The following C8orf34 variants were observed in gnomAD, a reference collection of about 807,000 sequenced individuals.
C8orf34 encodes chromosome 8 open reading frame 34, also known as uncharacterized protein C8orf34.
Under a neutral mutation model 68.3 loss-of-function variants are expected in C8orf34, and 65 were observed. That is an observed-to-expected ratio of 0.95 (90% CI 0.78 to 1.17). The LOEUF (loss-of-function observed/expected upper bound fraction) is 1.17. Ranked by LOEUF, C8orf34 falls within the 50% of genes most tolerant of loss-of-function variation. The pLI, the probability that C8orf34 is intolerant of heterozygous loss-of-function variation, is 0.00. For missense variants in C8orf34, 664 were observed against 655.4 expected, an observed-to-expected ratio of 1.01 and a Z score of -0.14; for synonymous variants, 244 against 241.2, an observed-to-expected ratio of 1.01 and a Z score of -0.11.
chr8:68,413,144 A>G (rs1023245631), intron 1 of C8orf34, among the ~76,000 whole-genome samples: 1 of 152,214 alleles, frequency 6.6e-6, no homozygotes, highest in Non-Finnish European at 1.5e-5. Flanking sequence ...AAGTGGCCAG[A>G]CAATCATCAG....
intron 7 of C8orf34, among the ~76,000 whole-genome samples, chr8:68,636,943 A>G (rs1214946997): frequency 1.3e-5 from 2 of 152,174 alleles, no homozygotes; most frequent in African/African-American, 4.8e-5. Flanking sequence ...GTTCTTCAGA[A>G]CCAAGAACTT....
chr8:68,386,597 T>G (rs1482006604), intron 1 of C8orf34, among the ~76,000 whole-genome samples: 1 of 152,176 alleles, frequency 6.6e-6, no homozygotes, highest in Non-Finnish European at 1.5e-5. Context: ...GTCTATGACA[T>G]AAGAAGCTGT....
At chr8:68,741,538 G>T (rs1179754224) in intron 10 of C8orf34, among the ~76,000 whole-genome samples, 1 of 152,070 alleles carries the variant, frequency 6.6e-6, no homozygotes, top group Non-Finnish European at 1.5e-5. Flanking sequence ...ACCCTGTTGT[G>T]CTAGCAAATA....
Position 68,665,519 on chromosome 8 carries a change from T to G in C8orf34, c.1241+25008T>G, listed in dbSNP as rs148294698. 5.9e-5 allele frequency among the ~76,000 whole-genome samples: 9 copies of G among 152,328 alleles called. No individual in the cohort carries two copies. In the East Asian group the frequency reaches 1.4e-3, roughly 23 times the overall value. On this transcript the variant is annotated intron_variant, in intron 8 of 13. Coordinates refer to ENST00000518698, the MANE Select transcript of C8orf34 (RefSeq NM_052958.4). Reference sequence around the variant, plus strand: ...CCAAGAGCACTGAATCCTGCTTAACTGACTGTAGGTGCTGATGCTGCCCCT... The same window carrying G: ...CCAAGAGCACTGAATCCTGCTTAACGGACTGTAGGTGCTGATGCTGCCCCT...
At chr8:68,518,886 C>CAA (rs56255310) in intron 5 of C8orf34, among the ~76,000 whole-genome samples, 15,090 of 77,944 alleles carry the variant, frequency 0.19, 1,725 homozygotes, top group African/African-American at 0.24. Context: ...GAGCAAGACT[C>CAA]AAAAAAAAAA....
intron 7 of C8orf34, among the ~76,000 whole-genome samples, chr8:68,551,586 T>C (rs1340981283): frequency 6.6e-6 from 1 of 152,098 alleles, no homozygotes; most frequent in Non-Finnish European, 1.5e-5. Flanking sequence ...TTTGTGCCTT[T>C]TATTATGTCT....
chr8:68,553,326 A>C (rs931307724), intron 7 of C8orf34, among the ~76,000 whole-genome samples: 13 of 149,876 alleles, frequency 8.7e-5, no homozygotes, highest in Non-Finnish European at 1.9e-4. Flanking sequence ...CGGAGCTTGC[A>C]ATGAGCTGAG....
At chr8:68,517,237 G>T (rs1814558498) in intron 5 of C8orf34, among the ~76,000 whole-genome samples, 3 of 152,074 alleles carry the variant, frequency 2.0e-5, no homozygotes, top group Admixed American at 2.0e-4. Context: ...TCTATGGAAG[G>T]ATGTTTACTT....
intron 7 of C8orf34, among the ~76,000 whole-genome samples, chr8:68,622,579 G>C (rs902971076): frequency 1.3e-4 from 20 of 152,140 alleles, no homozygotes; most frequent in African/African-American, 4.8e-4. Context: ...TAATAGCAAA[G>C]GCATTGCAGT....
chr8:68,646,807 A>G (rs1819187545), intron 8 of C8orf34, among the ~76,000 whole-genome samples: 1 of 152,142 alleles, frequency 6.6e-6, no homozygotes, highest in Admixed American at 6.5e-5. Flanking sequence ...TTCTTTTTAA[A>G]GGCTAAATAG....
intron 8 of C8orf34, among the ~76,000 whole-genome samples, chr8:68,708,642 G>C (rs908108472): frequency 6.6e-6 from 1 of 152,138 alleles, no homozygotes; most frequent in African/African-American, 2.4e-5. Context: ...CCTGATGTTA[G>C]GTGAGCACAC....
Position 68,608,997 on chromosome 8 carries a change from A to G in C8orf34, c.1106-31379A>G, listed in dbSNP as rs530722160. Reference sequence around the variant, plus strand: ...GCCTGGGCAACATAGTGAGATTCCCATCTTGACAAAAGTATAAAAATAAAA... The same window carrying G: ...GCCTGGGCAACATAGTGAGATTCCCGTCTTGACAAAAGTATAAAAATAAAA... On this transcript the variant is annotated intron_variant, in intron 7 of 13. Coordinates refer to ENST00000518698, the MANE Select transcript of C8orf34 (RefSeq NM_052958.4). 9.9e-5 allele frequency among the ~76,000 whole-genome samples: 15 copies of G among 152,216 alleles called. No homozygotes were observed. In the South Asian group the frequency reaches 3.1e-3, roughly 32 times the overall value.
intron 5 of C8orf34, among the ~76,000 whole-genome samples, chr8:68,516,530 A>G (rs780104406): frequency 2.0e-5 from 3 of 152,200 alleles, no homozygotes; most frequent in Admixed American, 6.5e-5. Context: ...GCCTAGGACA[A>G]GGTAACTACT....
chr8:68,729,395 G>T (rs981104837), intron 10 of C8orf34, among the ~76,000 whole-genome samples: 1 of 152,116 alleles, frequency 6.6e-6, no homozygotes, highest in Non-Finnish European at 1.5e-5. Context: ...AGAAACTTTG[G>T]CAATCTGCTG....
At chr8:68,691,170 T>G (rs1332277558) in intron 8 of C8orf34, among the ~76,000 whole-genome samples, 1 of 152,092 alleles carries the variant, frequency 6.6e-6, no homozygotes, top group African/African-American at 2.4e-5. Context: ...GTGACTTTGC[T>G]TTATTGAGCT....
At chr8:68,330,885 T>C, upstream of C8orf34, 2 of 780,530 alleles carry the variant, frequency 2.6e-6, no homozygotes, top group Non-Finnish European at 3.7e-6. Context: ...TCGACACAGC[T>C]CGCCTCCCGC....
intron 8 of C8orf34, among the ~76,000 whole-genome samples, chr8:68,650,704 C>A (rs982601832): frequency 2.6e-5 from 4 of 152,060 alleles, no homozygotes; most frequent in Non-Finnish European, 5.9e-5. Flanking sequence ...TGGTCTCGAT[C>A]TCCTGACCTC....
At chr8:68,795,021 C>T (rs1023230518) in intron 12 of C8orf34, among the ~76,000 whole-genome samples, 2 of 152,024 alleles carry the variant, frequency 1.3e-5, no homozygotes, top group Non-Finnish European at 2.9e-5. Context: ...TTATTCTGTT[C>T]CTCAGATTGC....
At position 68,506,009 on chromosome 8, in the gene C8orf34, C is replaced by T. The variant is rs117633002; in HGVS notation, c.766-15790C>T. 4.5e-4 allele frequency among the ~76,000 whole-genome samples: 68 copies of T among 152,266 alleles called. 2 individuals are homozygous for T. The East Asian group carries it at 0.013, about 29-fold the overall frequency. Reference sequence around the variant, plus strand: ...AATAACTCATCAGTGAAACCAACCTCTATTGCATGGTAGCCAACTCCATCT... The same window carrying T: ...AATAACTCATCAGTGAAACCAACCTTTATTGCATGGTAGCCAACTCCATCT... On this transcript the variant is annotated intron_variant, in intron 5 of 13. Coordinates refer to ENST00000518698, the MANE Select transcript of C8orf34 (RefSeq NM_052958.4).
Sources: gnomAD v4.1 joint callset for allele counts (sites outside exome capture counted in the v4.1 genomes callset) on GRCh38, gnomAD v4.1.1 for gene constraint, MANE v1.5 for transcripts, NCBI Gene and HGNC (gene_info 2026-07-23, HGNC 2026-07-21) for gene names.